Variants in DHX37 observed in about 807,000 individuals in gnomAD.
DHX37 encodes the protein probable ATP-dependent RNA helicase DHX37.
DHX37 carries 52 observed loss-of-function variants against 134.3 expected under a neutral mutation model. The observed-to-expected ratio is 0.39, with a 90% CI of 0.31 to 0.49. DHX37 has a LOEUF of 0.49. Among genes scored for constraint, DHX37 ranks in the 20% least tolerant of loss-of-function variants. The probability of loss-of-function intolerance (pLI) is 0.93; values close to 1 mark genes in which losing one functional copy is unlikely to be tolerated. For missense variants in DHX37, 1,344 were observed against 1,580.8 expected (o/e 0.85, Z 2.54); for synonymous variants, 634 against 670.7 (o/e 0.95, Z 0.85).
chr12:124,967,511 T>C (rs953108674), intron 10 of DHX37, among the ~76,000 whole-genome samples: 1 of 152,080 alleles, frequency 6.6e-6, no homozygotes, highest in African/African-American at 2.4e-5. Context: ...CTCACGACAG[T>C]GACAGCGCCG....
chr12:124,982,511 T>C lies in DHX37; in HGVS notation c.389A>G (p.Glu130Gly). Residue 130 changes from glutamate to glycine, a missense_variant and splice_region_variant, in exon 3 of 27, where the codon GAG becomes GGG. Glu to Gly is a moderately conservative substitution (Grantham distance 98, BLOSUM62 -2). Coordinates refer to ENST00000308736, the MANE Select transcript of DHX37 (RefSeq NM_032656.4). ...GTGNRMYHTK[E>G]KADEVVAPGQ... Reference sequence around the variant, plus strand: ...GTTAGCAAAGGACTGGCCAACTCACTCTTTGGTGTGATACATGCGGTTCCC... The same window carrying C: ...GTTAGCAAAGGACTGGCCAACTCACCCTTTGGTGTGATACATGCGGTTCCC... 2 of 1,613,310 alleles carry C rather than the reference T, an allele frequency of 1.2e-6. No individual in the cohort carries two copies. Among genetic ancestry groups the C allele is most frequent in the East Asian group, 2.2e-5 (1 of 44,852 alleles).
chr12:124,976,439 G>C (rs573957783), intron 5 of DHX37, among the ~76,000 whole-genome samples: 3 of 152,100 alleles, frequency 2.0e-5, no homozygotes, highest in Non-Finnish European at 4.4e-5. Flanking sequence ...AGGCTGGGCG[G>C]GGTGGCTCAC....
Position 124,980,228 on chromosome 12 carries a change from A to G in DHX37, c.738+262T>C, listed in dbSNP as rs1954729135. 6.6e-6 allele frequency among the ~76,000 whole-genome samples: 1 copy of G among 152,236 alleles called. No homozygotes were observed. The highest frequency in any genetic ancestry group is 1.5e-5 in the Non-Finnish European group (1 of 68,038). On this transcript the variant is annotated intron_variant, in intron 4 of 26. Transcript: ENST00000308736. The surrounding 1 kb of genome is among the most constrained non-coding windows in gnomAD (Gnocchi z 5.3). ...AGGCCAGGCCCGCTGGTCAGAGGGC[A>G]GTGGCGATGAAGCTACTGCCGCCGA...
chr12:124,950,318 GAC>G, intron 23 of DHX37, 75 bp from the exon 24 acceptor site: 1 of 1,605,764 alleles, frequency 6.2e-7, no homozygotes, highest in Non-Finnish European at 8.5e-7. Context: ...CCCCACCCGA[GAC>G]ACACACGTCC....
At chr12:124,971,080 G>A (rs1954513096) in intron 8 of DHX37, among the ~76,000 whole-genome samples, 1 of 152,250 alleles carries the variant, frequency 6.6e-6, no homozygotes, top group African/African-American at 2.4e-5. Flanking sequence ...TTATGAGGCT[G>A]GCACCGGGGC....
chr12:124,967,413 C>T (rs755175382), intron 10 of DHX37, among the ~76,000 whole-genome samples, 195 bp from the exon 11 acceptor site: 3 of 152,206 alleles, frequency 2.0e-5, no homozygotes, highest in Non-Finnish European at 2.9e-5. Context: ...TCAACAAACA[C>T]GGCGACTGCA....
At chr12:124,978,847 G>T (rs1353066484) in intron 4 of DHX37, among the ~76,000 whole-genome samples, 1 of 151,496 alleles carries the variant, frequency 6.6e-6, no homozygotes, top group South Asian at 2.1e-4. Flanking sequence ...TGGGAGGACC[G>T]CTTGAGCCCA....
At chr12:124,975,924 G>C (rs1033000947) in intron 5 of DHX37, among the ~76,000 whole-genome samples, 1 of 152,212 alleles carries the variant, frequency 6.6e-6, no homozygotes, top group Admixed American at 6.5e-5. Context: ...GCCCTCGCTG[G>C]GTGCCTGAAC....
intron 18 of DHX37, among the ~76,000 whole-genome samples, chr12:124,956,112 G>C (rs1404675811): frequency 6.6e-6 from 1 of 152,246 alleles, no homozygotes; most frequent in South Asian, 2.1e-4. Context: ...GGCTCACAGA[G>C]TCGATGAAGT....
intron 2 of DHX37, among the ~76,000 whole-genome samples, chr12:124,984,167 G>A (rs751782254): frequency 2.6e-5 from 4 of 152,146 alleles, no homozygotes; most frequent in Non-Finnish European, 4.4e-5. Flanking sequence ...AAACTGTTCC[G>A]GATGACAGTC....
At chr12:124,983,027 G>A (rs1009285922) in intron 2 of DHX37, among the ~76,000 whole-genome samples, 1 of 152,102 alleles carries the variant, frequency 6.6e-6, no homozygotes, top group Non-Finnish European at 1.5e-5. Context: ...GTGTGCAGGG[G>A]GTGTACCCAG....
At chr12:124,985,578 TAC>T (rs1954852787) in intron 2 of DHX37, among the ~76,000 whole-genome samples, 1 of 37,166 alleles carries the variant, frequency 2.7e-5, no homozygotes, top group African/African-American at 1.6e-4. Flanking sequence ...CTACTAAAAA[TAC>T]AAAAAAAAAA....
chr12:124,950,636 A>T, intron 22 of DHX37, 54 bp downstream of exon 22: 1 of 1,591,752 alleles, frequency 6.3e-7, no homozygotes, highest in Non-Finnish European at 8.6e-7. Flanking sequence ...TCCCAGCCAC[A>T]CCCCCATTAG....
At position 124,949,941 on chromosome 12, in the gene DHX37, T is replaced by C; in HGVS notation, c.3290+45A>G. 1 of 1,562,252 alleles carries C rather than the reference T, an allele frequency of 6.4e-7. No individual in the cohort carries two copies. Among genetic ancestry groups the C allele is most frequent in the African/African-American group, 1.4e-5 (1 of 73,646 alleles). ...CAGCCCCGGGGAGGTCATTCAGGCC[T>C]CGGACCCCTCCTGCCCACTGCGAGG... On this transcript the variant is annotated intron_variant, in intron 25 of 26. Coordinates refer to ENST00000308736, the MANE Select transcript of DHX37 (RefSeq NM_032656.4). The surrounding 1 kb of genome is among the most constrained non-coding windows in gnomAD (Gnocchi z 4.0).
In DHX37 at chr12:124,960,337, T is replaced by C; in HGVS notation, c.2132A>G (p.Gln711Arg). The change falls in exon 16 of 27, where the codon CAA becomes CGA. Residue 711 changes from glutamine (Q) to arginine (R), a missense_variant. Transcript: ENST00000308736. ...CTTTTCAACGTTGAGCGCCTTCATT[T>C]GAAGGATTAAGTCTTCAACAGGCCT... Reference protein sequence around the residue: ...TRRPVEDLILQMKALNVEKVI... With the variant: ...TRRPVEDLILRMKALNVEKVI... 1 of 1,613,962 alleles carries C rather than the reference T, an allele frequency of 6.2e-7. No homozygotes were observed. Among genetic ancestry groups the C allele is most frequent in the South Asian group, 1.1e-5 (1 of 91,078 alleles).
intron 2 of DHX37, among the ~76,000 whole-genome samples, chr12:124,983,993 G>T (rs1223703297): frequency 1.3e-5 from 2 of 152,120 alleles, no homozygotes; most frequent in East Asian, 3.9e-4. Context: ...CAGCACTATT[G>T]ACATTTAGGG....
Position 124,986,273 on chromosome 12 carries a change from A to G in DHX37, c.107-8T>C. The G allele has an allele frequency of 6.2e-7, 1 of 1,612,652 alleles. No individual in the cohort carries two copies. Among genetic ancestry groups the G allele is most frequent in the Non-Finnish European group, 8.5e-7 (1 of 1,179,750 alleles). On this transcript the variant is annotated splice_region_variant and splice_polypyrimidine_tract_variant and intron_variant, in intron 1 of 26. Coordinates refer to ENST00000308736, the MANE Select transcript of DHX37 (RefSeq NM_032656.4). ...CCTTCAACGTGTCCTTGTCTGAGAG[A>G]GCACAGTTATTAAGTCCCCATTCTC...
Position 124,975,529 on chromosome 12 carries a change from TGGCCATCAACAGTGCGC to T in DHX37, c.888-35_888-19del. 1 of 1,611,304 alleles carries T rather than the reference TGGCCATCAACAGTGCGC, an allele frequency of 6.2e-7. No individual in the cohort carries two copies. The highest frequency in any genetic ancestry group is 1.6e-4 in the Middle Eastern group (1 of 6,062). On this transcript the variant is annotated intron_variant, in intron 5 of 26. Transcript: ENST00000308736. ...TGTCTTCACTGGGGGAGGAAGAACATGGCCATCAACAGTGCGCGGCCCCACCTGTTCATGCCAAAGCC... is the reference window on the plus strand; with the variant it reads ...TGTCTTCACTGGGGGAGGAAGAACATGGCCCCACCTGTTCATGCCAAAGCC...
chr12:124,984,073 G>A (rs1480300195), intron 2 of DHX37, among the ~76,000 whole-genome samples: 1 of 152,202 alleles, frequency 6.6e-6, no homozygotes, highest in Non-Finnish European at 1.5e-5. Context: ...CCCGCCAGAT[G>A]CCAGCAGCAC....
Sources: allele counts gnomAD v4.1 joint callset (sites outside exome capture counted in the v4.1 genomes callset), GRCh38; gene constraint gnomAD v4.1.1; non-coding constraint Gnocchi (gnomAD v3.1); transcripts MANE v1.5; gene names NCBI Gene and HGNC (gene_info 2026-07-23, HGNC 2026-07-21).